PVT1: variants seen among roughly 807,000 people sequenced by gnomAD.
PVT1 encodes the protein CXCR4/PVT1 fusion.
intron 2 of PVT1, among the ~76,000 whole-genome samples, chr8:127,888,599 G>A (rs779853483): frequency 2.6e-5 from 4 of 152,328 alleles, no homozygotes; most frequent in Middle Eastern, 3.4e-3. Context: ...AATCACATGC[G>A]TCCTTAGGAG....
intron 2 of PVT1, among the ~76,000 whole-genome samples, chr8:127,869,906 C>G (rs903418220): frequency 1.5e-4 from 23 of 152,272 alleles, no homozygotes; most frequent in African/African-American, 5.3e-4. Context: ...TGGGTTCAAG[C>G]TATTCTCCTG....
At chr8:127,864,341 A>G (rs984863452) in intron 2 of PVT1, among the ~76,000 whole-genome samples, 18 of 151,966 alleles carry the variant, frequency 1.2e-4, no homozygotes, top group Admixed American at 6.5e-5. Context: ...CATGCTTCCA[A>G]TCTCTGGGAG....
chr8:127,809,326 G>A (rs1031187267), intron 2 of PVT1, among the ~76,000 whole-genome samples: 2 of 152,062 alleles, frequency 1.3e-5, no homozygotes, highest in Admixed American at 1.3e-4. Flanking sequence ...AGAGTAGCTG[G>A]GACTACAGGT....
intron 2 of PVT1, among the ~76,000 whole-genome samples, chr8:127,873,503 C>T (rs1815374001): frequency 6.6e-6 from 1 of 152,142 alleles, no homozygotes; most frequent in Non-Finnish European, 1.5e-5. Flanking sequence ...TCAATAGTAG[C>T]TAATATCTAT....
intron 2 of PVT1, among the ~76,000 whole-genome samples, chr8:127,799,881 C>T (rs1814442601): frequency 6.6e-6 from 1 of 152,208 alleles, no homozygotes; most frequent in Admixed American, 6.5e-5. Flanking sequence ...GCAGTGACTT[C>T]ACTGTAGTTC....
intron 3 of PVT1, among the ~76,000 whole-genome samples, chr8:127,929,037 A>G (rs1048994943): frequency 1.3e-5 from 2 of 152,184 alleles, no homozygotes; most frequent in Non-Finnish European, 1.5e-5. Flanking sequence ...GAAAATCCTC[A>G]AGTATTTTAA....
chr8:127,818,445 CT>C (rs1814691588), intron 2 of PVT1, among the ~76,000 whole-genome samples: 1 of 152,208 alleles, frequency 6.6e-6, no homozygotes, highest in Admixed American at 6.5e-5. Flanking sequence ...GCAGGCAGGT[CT>C]CTCTTCCAGG....
intron 2 of PVT1, among the ~76,000 whole-genome samples, chr8:127,858,300 G>A (rs1371228943): frequency 1.3e-5 from 2 of 152,194 alleles, no homozygotes; most frequent in Admixed American, 6.5e-5. Flanking sequence ...CCAGCTACCA[G>A]GGAGGCTGAG....
intron 2 of PVT1, among the ~76,000 whole-genome samples, chr8:127,888,207 T>A (rs1317839380): frequency 1.3e-5 from 2 of 152,200 alleles, no homozygotes; most frequent in Non-Finnish European, 2.9e-5. Context: ...CCCAAAGTGC[T>A]GGGATTACAG....
intron 2 of PVT1, among the ~76,000 whole-genome samples, chr8:127,816,066 G>C (rs1002217856): frequency 7.2e-5 from 11 of 152,172 alleles, no homozygotes; most frequent in Non-Finnish European, 1.5e-4. Context: ...GGAGGTTATG[G>C]TGAGCTGAGA....
rs567711114 is a variant in PVT1 at position 127,799,028 on chromosome 8, A to T, written n.372+2957A>T. Reference sequence around the variant, plus strand: ...TCAGGTCATAAAACACAAGACATATACATGATGTGGAAATGGTCTTATTCA... The same window carrying T: ...TCAGGTCATAAAACACAAGACATATTCATGATGTGGAAATGGTCTTATTCA... On this transcript the variant is annotated intron_variant and non_coding_transcript_variant, in intron 2 of 10. Coordinates refer to ENST00000651587, the Ensembl canonical transcript of PVT1. Among the ~76,000 whole-genome samples the T allele has an allele frequency of 1.2e-4, 18 of 152,342 alleles. No homozygotes were observed. In the East Asian group the frequency reaches 3.5e-3, roughly 29 times the overall value.
intron 3 of PVT1, among the ~76,000 whole-genome samples, chr8:127,911,470 C>T (rs575126578): frequency 6.4e-4 from 98 of 152,346 alleles, no homozygotes; most frequent in Non-Finnish European, 6.5e-4. Flanking sequence ...AGGCCCCAGC[C>T]GGTGAATCAC....
intron 5 of PVT1, among the ~76,000 whole-genome samples, chr8:128,089,223 C>T (rs1356960324): frequency 1.3e-5 from 2 of 152,184 alleles, no homozygotes; most frequent in Non-Finnish European, 2.9e-5. Flanking sequence ...GTTTACTTCT[C>T]ATAGTTCTAG....
chr8:127,799,534 AG>A (rs1349777728), intron 2 of PVT1, among the ~76,000 whole-genome samples: 4 of 152,230 alleles, frequency 2.6e-5, no homozygotes, highest in African/African-American at 9.6e-5. Flanking sequence ...GCTTGCCTGT[AG>A]GGAAAGTATG....
intron 4 of PVT1, chr8:128,008,856 G>A (rs1036678256): frequency 4.2e-6 from 2 of 480,320 alleles, no homozygotes; most frequent in Non-Finnish European, 9.1e-6. Context: ...GGTCCATCTA[G>A]GAACTAGAAG....
chr8:128,014,549 C>T (rs1418117024), intron 4 of PVT1, among the ~76,000 whole-genome samples: 2 of 152,134 alleles, frequency 1.3e-5, no homozygotes, highest in African/African-American at 2.4e-5. Context: ...TCTGTGAAGC[C>T]GCCTGGCCGT....
chr8:127,910,113 TGA>T (rs1815874258), intron 3 of PVT1, among the ~76,000 whole-genome samples: 1 of 152,096 alleles, frequency 6.6e-6, no homozygotes, highest in Non-Finnish European at 1.5e-5. Context: ...CATCCTGCTA[TGA>T]GGTCAGCTCT....
chr8:127,847,537 CA>C (rs752127311), intron 2 of PVT1, among the ~76,000 whole-genome samples: 18 of 152,190 alleles, frequency 1.2e-4, no homozygotes, highest in Non-Finnish European at 1.5e-4. Flanking sequence ...CAAGGTTATT[CA>C]TGGAACATTT....
At chr8:127,881,344 G>A (rs1815464248) in intron 2 of PVT1, among the ~76,000 whole-genome samples, 1 of 151,412 alleles carries the variant, frequency 6.6e-6, no homozygotes, top group Non-Finnish European at 1.5e-5. Context: ...ATGAACTCCA[G>A]TGGACACATG....
Sources: gnomAD v4.1 joint callset for allele counts (sites outside exome capture counted in the v4.1 genomes callset) on GRCh38, gnomAD v4.1.1 for gene constraint, MANE v1.5 for transcripts, NCBI Gene and HGNC (gene_info 2026-07-23, HGNC 2026-07-21) for gene names.